MAPK10: variants seen among roughly 807,000 people sequenced by gnomAD.
The protein encoded by MAPK10 is JNK3 alpha protein kinase.
Under a neutral mutation model 59.3 loss-of-function variants are expected in MAPK10, and 25 were observed. That is an observed-to-expected ratio of 0.42 (90% confidence interval 0.31 to 0.59). The LOEUF (loss-of-function observed/expected upper bound fraction) is 0.59. Among genes scored for constraint, MAPK10 ranks in the 20% least tolerant of loss-of-function variants. The pLI is 0.15. For missense variants in MAPK10, 351 were observed against 568.9 expected (o/e 0.62, Z 3.90); for synonymous variants, 190 against 200.5 (o/e 0.95, Z 0.44).
At chr4:86,358,922 A>G (rs1171475102) in intron 1 of MAPK10, 1 of 151,958 alleles carries the variant, frequency 6.6e-6, no homozygotes, top group Non-Finnish European at 1.5e-5. Flanking sequence ...TGACTAGGAG[A>G]TCACTTTCTT....
Position 86,370,239 on chromosome 4 carries a change from T to A in MAPK10, c.-121-15595A>T, listed in dbSNP as rs563158705. On this transcript the variant is annotated intron_variant, in intron 1 of 13. Transcript: ENST00000361569. ...AGAACTAATAATAAACTTGAAGAAA[T>A]TTGAGCCTATCTGCCAGTCTACACC... is the stretch of plus-strand genomic sequence containing the variant. Among the ~76,000 whole-genome samples the A allele has an allele frequency of 3.9e-5, 6 of 152,144 alleles. No individual in the cohort carries two copies. In the South Asian group the frequency reaches 1.2e-3, roughly 32 times the overall value.
intron 1 of MAPK10, among the ~76,000 whole-genome samples, chr4:86,533,828 C>T (rs1465499160): frequency 6.6e-6 from 1 of 152,204 alleles, no homozygotes; most frequent in Non-Finnish European, 1.5e-5. Context: ...GACTTCCCAC[C>T]TCTGTGGACT....
intron 1 of MAPK10, among the ~76,000 whole-genome samples, chr4:86,409,438 A>G (rs1189259621): frequency 6.6e-6 from 1 of 152,166 alleles, no homozygotes; most frequent in Non-Finnish European, 1.5e-5. Flanking sequence ...TTCTGTGAAG[A>G]AAGTCATTGG....
At chr4:86,109,802 A>G (rs1265052447) in intron 4 of MAPK10, among the ~76,000 whole-genome samples, 1 of 152,180 alleles carries the variant, frequency 6.6e-6, no homozygotes, top group African/African-American at 2.4e-5. Flanking sequence ...GTCTTTGAGG[A>G]ATGCCATACT....
intron 1 of MAPK10, among the ~76,000 whole-genome samples, chr4:86,480,944 C>T (rs2149070837): frequency 6.6e-6 from 1 of 152,282 alleles, no homozygotes; most frequent in Middle Eastern, 3.4e-3. Context: ...AATGATCTAA[C>T]AGTAACACAA....
At chr4:86,585,779 G>A (rs1202135902) in intron 1 of MAPK10, among the ~76,000 whole-genome samples, 2 of 152,104 alleles carry the variant, frequency 1.3e-5, no homozygotes, top group African/African-American at 4.8e-5. Flanking sequence ...CTGTAGATAT[G>A]ACCATTTTCC....
intron 13 of MAPK10, among the ~76,000 whole-genome samples, chr4:86,018,043 T>G (rs1454943309): frequency 6.6e-6 from 1 of 152,200 alleles, no homozygotes. Context: ...TTTTAAAAGC[T>G]CCTCAGAGAC....
chr4:86,159,480 A>G lies in MAPK10; in HGVS notation c.67-13T>C, dbSNP rs1447954041. 1.2e-6 allele frequency: 2 copies of G among 1,607,048 alleles called. No individual in the cohort carries two copies. The highest frequency in any genetic ancestry group is 1.7e-5 in the Admixed American group (1 of 59,180). The stretch of plus-strand genomic sequence containing the variant: ...GTTTATCGAATCCCTGTCAAAAAGA[A>G]GAACAGCAAAAACATGAGGCAAGTG... On this transcript the variant is annotated splice_polypyrimidine_tract_variant and intron_variant, in intron 3 of 13. Coordinates refer to ENST00000641462, the MANE Select transcript of MAPK10 (RefSeq NM_138982.4).
chr4:86,263,390 C>T (rs561066655), intron 2 of MAPK10, among the ~76,000 whole-genome samples: 1 of 152,266 alleles, frequency 6.6e-6, no homozygotes, highest in South Asian at 2.1e-4. Flanking sequence ...CCATGACCCA[C>T]CATTGGTGCT....
At chr4:86,202,578 T>C (rs2082880572) in intron 2 of MAPK10, among the ~76,000 whole-genome samples, 2 of 151,930 alleles carry the variant, frequency 1.3e-5, no homozygotes, top group Admixed American at 1.3e-4. Flanking sequence ...TTGCGATACA[T>C]TTGATACTAA....
chr4:86,067,816 T>C lies in MAPK10; in HGVS notation c.942A>G (p.Pro314=). The C allele has an allele frequency of 6.2e-7, 1 of 1,613,910 alleles. No homozygotes were observed. The highest frequency in any genetic ancestry group is 8.5e-7 in the Non-Finnish European group (1 of 1,179,880). ...CGGAGTCCGCTGGGAAGAGGGAATCTGGGAAGAGTTTGGGGAAGGTGAGTC... is the reference window on the plus strand; with the variant it reads ...CGGAGTCCGCTGGGAAGAGGGAATCCGGGAAGAGTTTGGGGAAGGTGAGTC... ...YAGLTFPKLF[P]DSLFPADSEH... Residue 314 remains proline (P), a synonymous_variant, in exon 10 of 14, where the codon CCA becomes CCG. Coordinates refer to ENST00000641462, the MANE Select transcript of MAPK10 (RefSeq NM_138982.4).
intron 2 of MAPK10, among the ~76,000 whole-genome samples, chr4:86,354,155 C>G (rs183408678): frequency 6.6e-6 from 1 of 151,838 alleles, no homozygotes; most frequent in East Asian, 1.9e-4. Flanking sequence ...TAGCTCAGAA[C>G]CAATTTTTCT....
rs934943868 is a variant in MAPK10 at position 86,012,319 on chromosome 4, C to A, written c.*4909G>T. ...GGTCATTCCTTATTTCTTATTTATT[C>A]CCTGGCACAATCAGACCACACTACA... On this transcript the variant is annotated 3_prime_UTR_variant, in exon 14 of 14. Coordinates refer to ENST00000641462, the MANE Select transcript of MAPK10 (RefSeq NM_138982.4). 4 of 152,122 alleles carry A rather than the reference C, an allele frequency of 2.6e-5. No individual in the cohort carries two copies. The highest frequency in any genetic ancestry group is 9.7e-5 in the African/African-American group (4 of 41,410). 9.4% of individuals were successfully genotyped at this position (152,122 alleles called of 1,614,324 possible). A position where few individuals can be genotyped will look rare whatever the true frequency, so the allele number is the denominator to read the frequency against.
intron 2 of MAPK10, among the ~76,000 whole-genome samples, chr4:86,245,564 G>A (rs908058189): frequency 3.9e-5 from 6 of 152,048 alleles, no homozygotes; most frequent in Non-Finnish European, 8.8e-5. Flanking sequence ...AAACTCCTGG[G>A]CTCAAGCCAT....
At chr4:86,072,238 A>AT (rs2048186381) in intron 9 of MAPK10, among the ~76,000 whole-genome samples, 1 of 150,608 alleles carries the variant, frequency 6.6e-6, no homozygotes, top group South Asian at 2.1e-4. Flanking sequence ...TTGTACATTG[A>AT]TTTTGTATCC....
At chr4:86,140,151 A>C (rs1427142726) in intron 4 of MAPK10, among the ~76,000 whole-genome samples, 1 of 135,064 alleles carries the variant, frequency 7.4e-6, no homozygotes. Flanking sequence ...TAGAACTAGA[A>C]ATACCATTTG....
chr4:86,189,757 T>C lies in MAPK10; in HGVS notation c.66+4579A>G, dbSNP rs1451587267. ...CGCTTTATTTCATTCTCTTGCCTGA[T>C]TGCCCCAGTCAGAACTTCCAATACT... On this transcript the variant is annotated intron_variant, in intron 3 of 13. Transcript: ENST00000641462. 5.3e-5 allele frequency among the ~76,000 whole-genome samples: 8 copies of C among 152,288 alleles called. No individual in the cohort carries two copies. In the East Asian group the frequency reaches 1.2e-3, roughly 22 times the overall value.
Position 86,029,214 on chromosome 4 carries a change from C to G in MAPK10, c.1235G>C (p.Gly412Ala). ...EEKTKNGVVK[G>A]QPSPSGAAVN... ...GTGAGTACCTGAAGGAGAAGGCTGT[C>G]CTTTTACTACACCATTTTTAGTCTT... The change falls in exon 13 of 14, where the codon GGA becomes GCA. Residue 412 changes from glycine (G) to alanine (A), a missense_variant. By Grantham distance (60) the Gly-to-Ala change is moderately conservative. Coordinates refer to ENST00000641462, the MANE Select transcript of MAPK10 (RefSeq NM_138982.4). The G allele has an allele frequency of 6.2e-7, 1 of 1,609,756 alleles. No individual in the cohort carries two copies.
chr4:86,227,082 C>A (rs1178789587), intron 2 of MAPK10, among the ~76,000 whole-genome samples: 1 of 152,084 alleles, frequency 6.6e-6, no homozygotes, highest in South Asian at 2.1e-4. Context: ...TAACACAGAG[C>A]CCTTGATGAA....
Sources: gnomAD v4.1 joint callset for allele counts (sites outside exome capture counted in the v4.1 genomes callset) on GRCh38, gnomAD v4.1.1 for gene constraint, MANE v1.5 for transcripts, NCBI Gene and HGNC (gene_info 2026-07-23, HGNC 2026-07-21) for gene names.